FRMD4A: variants seen among roughly 807,000 people sequenced by gnomAD.
The protein encoded by FRMD4A is FERM domain containing 4A.
FRMD4A carries 29 observed loss-of-function variants against 129.1 expected under a neutral mutation model. The observed-to-expected ratio is 0.22, with a 90% CI of 0.17 to 0.31. The LOEUF (loss-of-function observed/expected upper bound fraction) is 0.31. Among genes scored for constraint, FRMD4A ranks in the 10% least tolerant of loss-of-function variants. FRMD4A has a pLI of 1.00. For synonymous variants in FRMD4A, 634 were observed against 571.6 expected (o/e 1.11, Z -1.56); for missense variants, 1,272 against 1,375.8 (o/e 0.92, Z 1.19).
At position 13,664,200 on chromosome 10, in the gene FRMD4A, C is replaced by CA. The variant is rs1239150951; in HGVS notation, c.1604-692dup. On this transcript the variant is annotated intron_variant, in intron 18 of 24. Transcript: ENST00000357447. ...GCAAAGGTCCCAAGTCTTCAGATTCCAAGTTTGGTGTTTTATCTCTAAAAT... is the reference window on the plus strand; with the variant it reads ...GCAAAGGTCCCAAGTCTTCAGATTCCAAAGTTTGGTGTTTTATCTCTAAAAT... Among the ~76,000 whole-genome samples the CA allele has an allele frequency of 3.3e-5, 5 of 152,250 alleles. No homozygotes were observed. The East Asian group carries it at 9.7e-4, about 29-fold the overall frequency.
At chr10:13,688,504 C>T (rs2085323230) in intron 15 of FRMD4A, among the ~76,000 whole-genome samples, 1 of 151,888 alleles carries the variant, frequency 6.6e-6, no homozygotes, top group Non-Finnish European at 1.5e-5. Flanking sequence ...TGTAACAAAC[C>T]TGCACCTTGT....
chr10:14,316,911 C>T (rs939284845), intron 2 of FRMD4A, among the ~76,000 whole-genome samples: 1 of 152,162 alleles, frequency 6.6e-6, no homozygotes, highest in Admixed American at 6.5e-5. Flanking sequence ...TAATTTAGTT[C>T]TTAATGAGAG....
intron 2 of FRMD4A, among the ~76,000 whole-genome samples, chr10:13,998,171 C>T (rs2095629635): frequency 6.6e-6 from 1 of 152,126 alleles, no homozygotes; most frequent in Non-Finnish European, 1.5e-5. Context: ...ACACACATTC[C>T]CCAGATGTTA....
intron 2 of FRMD4A, among the ~76,000 whole-genome samples, chr10:14,235,690 A>G (rs1843788188): frequency 6.6e-6 from 1 of 152,216 alleles, no homozygotes; most frequent in Admixed American, 6.5e-5. Flanking sequence ...CCAGCGGCTT[A>G]AGACAGCTGC....
At chr10:13,956,242 T>C (rs1227513941) in intron 2 of FRMD4A, among the ~76,000 whole-genome samples, 2 of 152,190 alleles carry the variant, frequency 1.3e-5, no homozygotes, top group African/African-American at 4.8e-5. Context: ...AAACTCTGCC[T>C]CCCAGGTTGA....
intron 12 of FRMD4A, among the ~76,000 whole-genome samples, chr10:13,737,355 G>A (rs1242720986): frequency 6.6e-6 from 1 of 152,204 alleles, no homozygotes; most frequent in Non-Finnish European, 1.5e-5. Flanking sequence ...CTCCCAAAGT[G>A]CTAGGATTAC....
At chr10:14,080,442 C>A (rs1429601899) in intron 2 of FRMD4A, among the ~76,000 whole-genome samples, 1 of 151,896 alleles carries the variant, frequency 6.6e-6, no homozygotes, top group Non-Finnish European at 1.5e-5. Context: ...TAATGAGAAC[C>A]CCCCCAGCAC....
At chr10:13,725,990 A>G (rs1005284353) in intron 12 of FRMD4A, among the ~76,000 whole-genome samples, 1 of 152,254 alleles carries the variant, frequency 6.6e-6, no homozygotes, top group Non-Finnish European at 1.5e-5. Context: ...ATTGCTAATC[A>G]TGACTTTCTA....
chr10:14,229,791 C>T (rs1014409940), intron 2 of FRMD4A, among the ~76,000 whole-genome samples: 2 of 152,146 alleles, frequency 1.3e-5, no homozygotes, highest in African/African-American at 4.8e-5. Flanking sequence ...ATCAACACAT[C>T]CTATATAAAA....
At chr10:13,968,283 T>C (rs1174489287) in intron 2 of FRMD4A, among the ~76,000 whole-genome samples, 1 of 152,182 alleles carries the variant, frequency 6.6e-6, no homozygotes, top group African/African-American at 2.4e-5. Flanking sequence ...CCTTAGCCAA[T>C]GAAGACACCG....
At chr10:13,962,883 GA>G (rs2095455074) in intron 2 of FRMD4A, among the ~76,000 whole-genome samples, 1 of 152,148 alleles carries the variant, frequency 6.6e-6, no homozygotes, top group Non-Finnish European at 1.5e-5. Context: ...CTGAAACAAA[GA>G]AAAGTGCTTT....
In FRMD4A at chr10:14,249,643, A is replaced by C. The variant is rs113140107; in HGVS notation, c.45+80415T>G. On this transcript the variant is annotated intron_variant, in intron 2 of 24. Coordinates refer to ENST00000357447, the MANE Select transcript of FRMD4A (RefSeq NM_018027.5). ...AATTTCACTTACAGGAATGTCACTG[A>C]AAGAAATCCTCATAGATATGCAAAA... Among the ~76,000 whole-genome samples the C allele has an allele frequency of 2.8e-3, 421 of 152,376 alleles. 3 individuals are homozygous for C. The highest frequency in any genetic ancestry group is 9.2e-3 in the African/African-American group (382 of 41,584).
At chr10:13,995,819 CTT>C (rs112271578) in intron 2 of FRMD4A, among the ~76,000 whole-genome samples, 76 of 144,292 alleles carry the variant, frequency 5.3e-4, no homozygotes, top group African/African-American at 1.0e-3. Flanking sequence ...TTCCAGACTG[CTT>C]TTTTTTTTTT....
intron 2 of FRMD4A, among the ~76,000 whole-genome samples, chr10:14,196,914 C>G (rs1842487204): frequency 6.6e-6 from 1 of 152,146 alleles, no homozygotes; most frequent in Non-Finnish European, 1.5e-5. Flanking sequence ...CAAGGCCAGG[C>G]AGGGGAAGGC....
chr10:14,108,437 G>A (rs1461233665), intron 2 of FRMD4A, among the ~76,000 whole-genome samples: 3 of 152,166 alleles, frequency 2.0e-5, no homozygotes, highest in Admixed American at 1.3e-4. Flanking sequence ...AGTATTATGA[G>A]GACTGAGGTT....
intron 2 of FRMD4A, among the ~76,000 whole-genome samples, chr10:14,178,435 A>G (rs1448279208): frequency 6.6e-6 from 1 of 152,238 alleles, no homozygotes; most frequent in East Asian, 1.9e-4. Flanking sequence ...AAAGATAAAC[A>G]TTTACAAAAT....
chr10:14,231,307 AT>A (rs1466042701), intron 2 of FRMD4A, among the ~76,000 whole-genome samples: 6 of 150,356 alleles, frequency 4.0e-5, no homozygotes, highest in Non-Finnish European at 8.8e-5. Context: ...CTTTTTCATA[AT>A]AGCTATTCTG....
At chr10:13,798,017 G>C (rs987752762) in intron 4 of FRMD4A, among the ~76,000 whole-genome samples, 1 of 152,028 alleles carries the variant, frequency 6.6e-6, no homozygotes, top group Non-Finnish European at 1.5e-5. Context: ...AAGAACTTTG[G>C]CCTGTTTTTC....
chr10:14,195,348 A>G (rs540465582), intron 2 of FRMD4A, among the ~76,000 whole-genome samples: 1 of 152,074 alleles, frequency 6.6e-6, no homozygotes, highest in Non-Finnish European at 1.5e-5. Flanking sequence ...GAATAAAACC[A>G]TACCTAGGAG....
Sources: allele counts gnomAD v4.1 joint callset (sites outside exome capture counted in the v4.1 genomes callset), GRCh38; gene constraint gnomAD v4.1.1; transcripts MANE v1.5; gene names NCBI Gene and HGNC (gene_info 2026-07-23, HGNC 2026-07-21).